PHACTR3: variants seen among roughly 807,000 people sequenced by gnomAD.
PHACTR3 encodes phosphatase and actin regulator 3.
Under a neutral mutation model 66.8 loss-of-function variants are expected in PHACTR3, and 16 were observed. The ratio of observed to expected loss-of-function variants is 0.24; its 90% CI spans 0.16 to 0.36. The LOEUF (loss-of-function observed/expected upper bound fraction) is 0.36. Ranked by LOEUF, PHACTR3 falls within the 10% of genes least tolerant of loss-of-function variation. PHACTR3 has a pLI of 1.00. For synonymous variants in PHACTR3, 323 were observed against 292.1 expected (o/e 1.11, Z -1.08); for missense variants, 647 against 719.9 (o/e 0.90, Z 1.16).
intron 8 of PHACTR3, among the ~76,000 whole-genome samples, chr20:59,815,453 TCTCA>T (rs907605120): frequency 2.9e-5 from 4 of 139,484 alleles, no homozygotes; most frequent in Admixed American, 7.7e-5. Context: ...TGAGATGGAC[TCTCA>T]CTCTGTCTCC....
intron 1 of PHACTR3, among the ~76,000 whole-genome samples, chr20:59,742,477 C>T (rs1010722022): frequency 6.7e-6 from 1 of 150,134 alleles, no homozygotes; most frequent in African/African-American, 2.5e-5. Context: ...TGCTCACAGA[C>T]GTGCTCACTC....
In PHACTR3 at chr20:59,755,221, G is replaced by A. The variant is rs151100675; in HGVS notation, c.398G>A (p.Arg133Gln). ...ACTTGCAACCCCGATGGAGGACCCC[G>A]ATCTGTACAGAGTGAACCACCCACT... is the stretch of plus-strand genomic sequence containing the variant. ...SKTCNPDGGPRSVQSEPPTPK... is the reference protein window; with the variant it reads ...SKTCNPDGGPQSVQSEPPTPK... The change falls in exon 4 of 13, where the codon CGA (arginine) becomes CAA (glutamine). Residue 133 changes from arginine to glutamine, a missense_variant. Coordinates refer to ENST00000371015, the MANE Select transcript of PHACTR3 (RefSeq NM_080672.5). The A allele has an allele frequency of 2.9e-4, 466 of 1,613,738 alleles. No homozygotes were observed. In the African/African-American group the frequency reaches 5.3e-3, roughly 18 times the overall value.
intron 1 of PHACTR3, among the ~76,000 whole-genome samples, chr20:59,605,570 G>A (rs963723312): frequency 1.5e-4 from 23 of 152,342 alleles, no homozygotes; most frequent in African/African-American, 5.3e-4. Flanking sequence ...CCGCAGCTGA[G>A]GCCACCGCGC....
chr20:59,656,337 T>A (rs1200434543), intron 1 of PHACTR3, among the ~76,000 whole-genome samples: 2 of 151,928 alleles, frequency 1.3e-5, no homozygotes, highest in Non-Finnish European at 2.9e-5. Flanking sequence ...ATTAGGTACA[T>A]ATATATTTAT....
At chr20:59,639,201 C>A (rs573431321) in intron 1 of PHACTR3, among the ~76,000 whole-genome samples, 1 of 151,926 alleles carries the variant, frequency 6.6e-6, no homozygotes, top group Non-Finnish European at 1.5e-5. Flanking sequence ...GAAATCCAGG[C>A]AGCTGGAAGG....
chr20:59,717,960 T>C (rs756254523), intron 1 of PHACTR3, among the ~76,000 whole-genome samples: 15 of 152,194 alleles, frequency 9.9e-5, no homozygotes, highest in Non-Finnish European at 1.9e-4. Context: ...CCATCCAGGT[T>C]CACAGATACA....
rs566067216 is a variant in PHACTR3, at chr20:59,590,312, C to T, written c.109+12695C>T. On this transcript the variant is annotated intron_variant, in intron 1 of 12. Transcript: ENST00000359926. ...TTGAGGGACATTTAGGTTGTTTCCA[C>T]TTGATCGGCCTCATGCATACCTTCC... 4.6e-5 allele frequency among the ~76,000 whole-genome samples: 7 copies of T among 152,326 alleles called. No homozygotes were observed. In the South Asian group the frequency reaches 1.4e-3, roughly 32 times the overall value.
intron 7 of PHACTR3, among the ~76,000 whole-genome samples, chr20:59,796,587 G>A (rs2041257148): frequency 6.6e-6 from 1 of 152,112 alleles, no homozygotes; most frequent in African/African-American, 2.4e-5. Flanking sequence ...GGGAAAGATT[G>A]TATTTCCTCC....
intron 1 of PHACTR3, among the ~76,000 whole-genome samples, chr20:59,640,592 A>G (rs1318743692): frequency 2.0e-5 from 3 of 152,200 alleles, no homozygotes; most frequent in Non-Finnish European, 4.4e-5. Flanking sequence ...TGACATGGGC[A>G]TGTGCGTGAC....
At chr20:59,591,314 G>A (rs2033176948) in intron 1 of PHACTR3, among the ~76,000 whole-genome samples, 1 of 152,198 alleles carries the variant, frequency 6.6e-6, no homozygotes, top group African/African-American at 2.4e-5. Context: ...CAGTGCTTCA[G>A]TTCCCCACTT....
At chr20:59,715,782 A>G (rs559246348) in intron 1 of PHACTR3, among the ~76,000 whole-genome samples, 16 of 151,800 alleles carry the variant, frequency 1.1e-4, no homozygotes, top group Non-Finnish European at 1.9e-4. Context: ...GACATCCTTT[A>G]CGTGAGGTTC....
At chr20:59,587,938 G>A (rs1202244238) in intron 1 of PHACTR3, among the ~76,000 whole-genome samples, 1 of 152,166 alleles carries the variant, frequency 6.6e-6, no homozygotes, top group Non-Finnish European at 1.5e-5. Flanking sequence ...TGCTTCCTGA[G>A]TGATTCCATG....
intron 1 of PHACTR3, among the ~76,000 whole-genome samples, chr20:59,730,510 C>A (rs372949972): frequency 6.6e-6 from 1 of 152,036 alleles, no homozygotes; most frequent in Non-Finnish European, 1.5e-5. Context: ...TGCTTGCTTG[C>A]GGGGTAGGCA....
At chr20:59,735,079 A>G (rs1408706765) in intron 1 of PHACTR3, among the ~76,000 whole-genome samples, 1 of 152,108 alleles carries the variant, frequency 6.6e-6, no homozygotes, top group Non-Finnish European at 1.5e-5. Context: ...TTCAAAGACA[A>G]TGGTCTCCAC....
chr20:59,697,730 G>A (rs2037352199), intron 1 of PHACTR3, among the ~76,000 whole-genome samples: 1 of 152,152 alleles, frequency 6.6e-6, no homozygotes, highest in South Asian at 2.1e-4. Flanking sequence ...CTAAGAGATT[G>A]ACAAAAAAAT....
intron 1 of PHACTR3, among the ~76,000 whole-genome samples, chr20:59,711,901 T>G (rs1372584381): frequency 6.6e-6 from 1 of 152,210 alleles, no homozygotes; most frequent in Non-Finnish European, 1.5e-5. Flanking sequence ...TTGAAAACAT[T>G]TGTACTCTTT....
rs570582731 is a variant in PHACTR3 at position 59,842,897 on chromosome 20, A to G, written c.1587+1362A>G. 2.0e-5 allele frequency among the ~76,000 whole-genome samples: 3 copies of G among 152,282 alleles called. No individual in the cohort carries two copies. The East Asian group carries it at 5.8e-4, about 29-fold the overall frequency. On this transcript the variant is annotated intron_variant, in intron 11 of 12. Coordinates refer to ENST00000371015, the MANE Select transcript of PHACTR3 (RefSeq NM_080672.5). ...GTCCTAGCCAGAGCAATCGAGCAAC[A>G]GAAAGAAAGGGCATCCAAACTGGAA...
chr20:59,722,552 G>A (rs1670931609), intron 1 of PHACTR3, among the ~76,000 whole-genome samples: 1 of 152,128 alleles, frequency 6.6e-6, no homozygotes, highest in African/African-American at 2.4e-5. Context: ...TAATGGAGGG[G>A]TGGGAGGATG....
chr20:59,760,553 C>T (rs1323625111), intron 4 of PHACTR3, among the ~76,000 whole-genome samples: 1 of 152,180 alleles, frequency 6.6e-6, no homozygotes, highest in East Asian at 1.9e-4. Context: ...TTCTCATTCT[C>T]TTTTGTCTGC....
Sources: allele counts gnomAD v4.1 joint callset (sites outside exome capture counted in the v4.1 genomes callset), GRCh38; gene constraint gnomAD v4.1.1; transcripts MANE v1.5; gene names NCBI Gene and HGNC (gene_info 2026-07-23, HGNC 2026-07-21).